The following EEPD1 variants were observed in gnomAD, a reference collection of about 807,000 sequenced individuals.
The protein encoded by EEPD1 is endonuclease/exonuclease/phosphatase family domain containing 1.
In EEPD1, 17 loss-of-function variants were observed where a neutral mutation model predicts 46.3. The ratio of observed to expected loss-of-function variants is 0.37; its 90% confidence interval spans 0.25 to 0.55. The LOEUF (loss-of-function observed/expected upper bound fraction) is 0.55. EEPD1 is among the 20% of genes least tolerant of loss of function. The pLI is 0.83. For missense variants in EEPD1, 673 were observed against 745.6 expected (o/e 0.90, Z 1.13); for synonymous variants, 313 against 315.6 (o/e 0.99, Z 0.09).
chr7:36,201,955 G>T (rs997700924), intron 2 of EEPD1, among the ~76,000 whole-genome samples: 1 of 152,202 alleles, frequency 6.6e-6, no homozygotes, highest in Non-Finnish European at 1.5e-5. Flanking sequence ...GCAGTTCGCA[G>T]TGTGGTCCCT....
At chr7:36,191,668 G>A (rs757584073) in intron 2 of EEPD1, among the ~76,000 whole-genome samples, 1 of 152,242 alleles carries the variant, frequency 6.6e-6, no homozygotes, top group Non-Finnish European at 1.5e-5. Flanking sequence ...ATTCAGTGAC[G>A]TGTTCAGCTG....
chr7:36,233,676 A>G (rs1786376755), intron 2 of EEPD1, among the ~76,000 whole-genome samples: 1 of 152,200 alleles, frequency 6.6e-6, no homozygotes, highest in Non-Finnish European at 1.5e-5. Context: ...TGTCCAGGGA[A>G]GTTTGCTTGG....
intron 2 of EEPD1, among the ~76,000 whole-genome samples, chr7:36,190,941 T>C (rs1785450785): frequency 6.6e-6 from 1 of 152,212 alleles, no homozygotes; most frequent in Non-Finnish European, 1.5e-5. Context: ...TTTTGGTCTC[T>C]TGCAGGCCAC....
chr7:36,296,153 TGATG>T (rs1013312488), intron 6 of EEPD1, among the ~76,000 whole-genome samples: 4 of 151,000 alleles, frequency 2.6e-5, no homozygotes, highest in African/African-American at 9.8e-5. Flanking sequence ...TGCATCAACA[TGATG>T]GATGGATGGA....
chr7:36,294,541 T>A (rs1359776997), intron 6 of EEPD1, among the ~76,000 whole-genome samples: 2 of 152,102 alleles, frequency 1.3e-5, no homozygotes, highest in East Asian at 1.9e-4. Context: ...AGAAATGAAA[T>A]GATAAGAAGA....
At chr7:36,205,090 C>G (rs532334815) in intron 2 of EEPD1, among the ~76,000 whole-genome samples, 2 of 152,336 alleles carry the variant, frequency 1.3e-5, no homozygotes, top group South Asian at 4.1e-4. Context: ...GTCAACCACG[C>G]TGACTTTTAG....
chr7:36,230,396 G>C (rs1053429839), intron 2 of EEPD1, among the ~76,000 whole-genome samples: 5 of 152,040 alleles, frequency 3.3e-5, no homozygotes, highest in Non-Finnish European at 7.4e-5. Flanking sequence ...GATGTGGCTT[G>C]ACAGACCCTC....
In EEPD1 at chr7:36,155,125, C is replaced by T. The variant is rs200105421; in HGVS notation, c.801C>T (p.Asn267=). ...CTGTGCTGAGGCTGGCCACCTGGAA[C>T]TTGCAGGGCTGTTCCGTGGAGAAGG... ...GRPVLRLATW[N]LQGCSVEKAN... is the part of the protein sequence containing the mutation. Residue 267 remains asparagine (N), a synonymous_variant, in exon 2 of 8, where the codon AAC becomes AAT. Coordinates refer to ENST00000242108, the MANE Select transcript of EEPD1 (RefSeq NM_030636.3). 1.9e-6 allele frequency: 3 copies of T among 1,554,804 alleles called. No individual in the cohort carries two copies. The East Asian group carries it at 6.8e-5, about 35-fold the overall frequency.
chr7:36,178,903 A>G (rs1222399676), intron 2 of EEPD1, among the ~76,000 whole-genome samples: 1 of 152,270 alleles, frequency 6.6e-6, no homozygotes, highest in Non-Finnish European at 1.5e-5. Flanking sequence ...CCTAAAGTCT[A>G]GAACCCTTTC....
chr7:36,184,741 AT>A (rs1322117123), intron 2 of EEPD1, among the ~76,000 whole-genome samples: 1 of 151,940 alleles, frequency 6.6e-6, no homozygotes, highest in South Asian at 2.1e-4. Context: ...ATTAAAAAAA[AT>A]TTTTTTGAGA....
chr7:36,185,915 A>G (rs1172997665), intron 2 of EEPD1, among the ~76,000 whole-genome samples: 1 of 152,232 alleles, frequency 6.6e-6, no homozygotes, highest in Non-Finnish European at 1.5e-5. Context: ...AAATCAGAAT[A>G]TCTCTTTGCC....
chr7:36,182,094 A>G (rs1785277197), intron 2 of EEPD1, among the ~76,000 whole-genome samples: 2 of 152,192 alleles, frequency 1.3e-5, no homozygotes, highest in South Asian at 2.1e-4. Context: ...CAGCGTGGAT[A>G]AGGTTGTGCA....
rs150903358 is a variant in EEPD1 at position 36,291,761 on chromosome 7, T to G, written c.1315+3984T>G. On this transcript the variant is annotated intron_variant, in intron 6 of 7. Transcript: ENST00000242108. ...AAAAAGATTTGCCAAGTGTCGTGGA[T>G]ACATTTATGACTTCGTTTATGAACT... 1.7e-3 allele frequency among the ~76,000 whole-genome samples: 256 copies of G among 152,326 alleles called. 2 individuals are homozygous for G. Among genetic ancestry groups the G allele is most frequent in the African/African-American group, 6.0e-3 (251 of 41,574 alleles).
intron 2 of EEPD1, among the ~76,000 whole-genome samples, chr7:36,175,135 C>T (rs1477247323): frequency 6.6e-6 from 1 of 152,234 alleles, no homozygotes; most frequent in Non-Finnish European, 1.5e-5. Context: ...GACTAGGTTA[C>T]AGTCTATTGA....
At chr7:36,248,638 G>A (rs1786680798) in intron 3 of EEPD1, among the ~76,000 whole-genome samples, 2 of 150,068 alleles carry the variant, frequency 1.3e-5, no homozygotes, top group African/African-American at 4.9e-5. Flanking sequence ...TGTAGTCAGA[G>A]CTGAATTTGA....
At chr7:36,268,613 C>G (rs542824126) in intron 3 of EEPD1, among the ~76,000 whole-genome samples, 8 of 152,306 alleles carry the variant, frequency 5.3e-5, no homozygotes, top group African/African-American at 1.9e-4. Flanking sequence ...TGGCCCCAAC[C>G]GTGATTCTTG....
chr7:36,251,457 T>C (rs1434199020), intron 3 of EEPD1, among the ~76,000 whole-genome samples: 4 of 152,154 alleles, frequency 2.6e-5, no homozygotes, highest in African/African-American at 9.7e-5. Flanking sequence ...ATTACAGGCA[T>C]GCACCATCTT....
intron 2 of EEPD1, among the ~76,000 whole-genome samples, chr7:36,161,116 A>T (rs955725782): frequency 6.6e-6 from 1 of 152,150 alleles, no homozygotes; most frequent in Non-Finnish European, 1.5e-5. Flanking sequence ...TCAATGACAA[A>T]TGGACCCAGG....
chr7:36,235,920 C>A (rs1237445762), intron 2 of EEPD1, among the ~76,000 whole-genome samples: 1 of 144,520 alleles, frequency 6.9e-6, no homozygotes, highest in Admixed American at 7.1e-5. Flanking sequence ...GTCTCTAGAA[C>A]TTTTTCCTTT....
Sources: allele counts gnomAD v4.1 joint callset (sites outside exome capture counted in the v4.1 genomes callset), GRCh38; gene constraint gnomAD v4.1.1; transcripts MANE v1.5; gene names NCBI Gene and HGNC (gene_info 2026-07-23, HGNC 2026-07-21).